Variants in KCNJ15 observed in about 807,000 individuals in gnomAD.
KCNJ15 encodes potassium inwardly rectifying channel subfamily J member 15.
A neutral mutation model predicts 23.0 loss-of-function variants in KCNJ15; 14 were observed. The observed-to-expected ratio is 0.61, with a 90% CI of 0.40 to 0.95. The LOEUF is 0.95. Ranked by LOEUF, KCNJ15 falls within the 40% of genes least tolerant of loss-of-function variation. The probability of loss-of-function intolerance (pLI) is 0.00; values close to 1 mark genes in which losing one functional copy is unlikely to be tolerated. For missense variants in KCNJ15, 388 were observed against 461.8 expected, an observed-to-expected ratio of 0.84 and a Z score of 1.46; for synonymous variants, 185 against 183.2, an observed-to-expected ratio of 1.01 and a Z score of -0.08.
At position 38,266,604 on chromosome 21, in the gene KCNJ15, G is replaced by A. The variant is rs1384999181; in HGVS notation, c.-117+9419G>A. Among the ~76,000 whole-genome samples the A allele has an allele frequency of 3.3e-5, 5 of 152,194 alleles. No homozygotes were observed. In the East Asian group the frequency reaches 7.7e-4, roughly 23 times the overall value. ...CCAAGTCGTTGCTATTGTGAACAGT[G>A]CTGCAATAAGCATATGTGTGCATGT... is the stretch of plus-strand genomic sequence containing the variant. On this transcript the variant is annotated intron_variant, in intron 1 of 2. Coordinates refer to ENST00000398938, the MANE Select transcript of KCNJ15 (RefSeq NM_170736.3).
At chr21:38,263,859 T>C (rs1009066481) in intron 1 of KCNJ15, among the ~76,000 whole-genome samples, 5 of 152,106 alleles carry the variant, frequency 3.3e-5, no homozygotes, top group Admixed American at 6.6e-5. Flanking sequence ...TTTCTTTATG[T>C]CCACCTTATT....
rs1985818853 is a variant in KCNJ15 at position 38,301,974 on chromosome 21, ACACACATG to A, written c.*1592_*1599del. ...CACACACAGTCACACACGCACACAC[ACACACATG>A]CACACACGCGCGTGCACACACGCAC... On this transcript the variant is annotated 3_prime_UTR_variant, in exon 3 of 3. Coordinates refer to ENST00000398938, the MANE Select transcript of KCNJ15 (RefSeq NM_170736.3). The A allele has an allele frequency of 6.5e-6, 1 of 154,718 alleles. No individual in the cohort carries two copies. The highest frequency in any genetic ancestry group is 2.5e-5 in the African/African-American group (1 of 40,410). The allele number at this position is 154,718 out of a possible 1,614,324, so 9.6% of individuals were successfully genotyped here. A position where few individuals can be genotyped will look rare whatever the true frequency, so the allele number is the denominator to read the frequency against.
At chr21:38,298,099 C>G (rs1275063108) in intron 2 of KCNJ15, 1 of 152,140 alleles carries the variant, frequency 6.6e-6, no homozygotes, top group Non-Finnish European at 1.5e-5. Context: ...AAACATGCCA[C>G]CCAGGTAAAG....
chr21:38,268,567 AAAAAAAAAAAG>A (rs1252982762), intron 1 of KCNJ15, among the ~76,000 whole-genome samples: 2 of 141,896 alleles, frequency 1.4e-5, no homozygotes, highest in Non-Finnish European at 3.0e-5. Flanking sequence ...AAAAAAAAAA[AAAAAAAAAAAG>A]AAAGTGGGAG....
At chr21:38,261,412 T>C (rs1376045684) in intron 1 of KCNJ15, among the ~76,000 whole-genome samples, 1 of 152,216 alleles carries the variant, frequency 6.6e-6, no homozygotes, top group East Asian at 1.9e-4. Flanking sequence ...GTGTCATACA[T>C]AGTAAAGCCC....
intron 1 of KCNJ15, among the ~76,000 whole-genome samples, chr21:38,257,834 C>T (rs1005781902): frequency 1.3e-5 from 2 of 152,194 alleles, no homozygotes; most frequent in African/African-American, 4.8e-5. Flanking sequence ...GGTGAAATTT[C>T]CACATTGCTC....
chr21:38,244,577 T>G (rs1351895410), intron 1 of KCNJ15, among the ~76,000 whole-genome samples: 2 of 152,172 alleles, frequency 1.3e-5, no homozygotes, highest in Non-Finnish European at 2.9e-5. Context: ...GGAGAGCTAT[T>G]GAAGTGCCTG....
At chr21:38,265,242 A>G (rs148932101) in intron 1 of KCNJ15, among the ~76,000 whole-genome samples, 3 of 152,354 alleles carry the variant, frequency 2.0e-5, no homozygotes, top group African/African-American at 4.8e-5. Context: ...ATGAAATATT[A>G]TAGGACTAAA....
In KCNJ15 at chr21:38,301,712, A is replaced by G. The variant is rs1190987254; in HGVS notation, c.*1323A>G. ...CTGTAAAGAATACCCCTGCTATTTA[A>G]ATAAAGCTCATACCAAGAGGTAACA... On this transcript the variant is annotated 3_prime_UTR_variant, in exon 3 of 3. Coordinates refer to ENST00000398938, the MANE Select transcript of KCNJ15 (RefSeq NM_170736.3). 1 of 167,090 alleles carries G rather than the reference A, an allele frequency of 6.0e-6. No individual in the cohort carries two copies. The allele number at this position is 167,090 out of a possible 1,614,324, so 10.4% of individuals were successfully genotyped here.
At chr21:38,275,181 A>G (rs1260546109) in intron 1 of KCNJ15, among the ~76,000 whole-genome samples, 2 of 152,114 alleles carry the variant, frequency 1.3e-5, no homozygotes, top group East Asian at 3.8e-4. Flanking sequence ...TCTTGAATTC[A>G]TGTATTACTT....
At chr21:38,234,056 T>C (rs1313604711) in intron 1 of KCNJ15, among the ~76,000 whole-genome samples, 1 of 152,212 alleles carries the variant, frequency 6.6e-6, no homozygotes, top group Non-Finnish European at 1.5e-5. Context: ...AGTTGTCAGC[T>C]TCCTCCAACA....
intron 1 of KCNJ15, among the ~76,000 whole-genome samples, chr21:38,288,588 TAA>T (rs146306727): frequency 0.016 from 2,503 of 152,298 alleles, 82 homozygotes; most frequent in African/African-American, 0.058. Context: ...CCCATATTTA[TAA>T]AACATACTTT....
chr21:38,281,503 A>G (rs901821072), intron 1 of KCNJ15, among the ~76,000 whole-genome samples: 1 of 152,192 alleles, frequency 6.6e-6, no homozygotes, highest in Non-Finnish European at 1.5e-5. Context: ...TCCTTCTATT[A>G]TAAGTGAGAA....
intron 1 of KCNJ15, among the ~76,000 whole-genome samples, chr21:38,230,148 C>T (rs1033127123): frequency 5.7e-4 from 87 of 151,892 alleles, no homozygotes; most frequent in Non-Finnish European, 8.5e-4. Flanking sequence ...CCACCCATAA[C>T]GTTTGAACAT....
chr21:38,278,380 TTTAAC>T (rs956868514), intron 1 of KCNJ15, among the ~76,000 whole-genome samples: 12 of 152,204 alleles, frequency 7.9e-5, no homozygotes, highest in African/African-American at 2.9e-4. Flanking sequence ...AGGCAAATGC[TTTAAC>T]TTATCTAGCC....
At chr21:38,251,988 G>A (rs1180593634), upstream of KCNJ15, among the ~76,000 whole-genome samples, 2 of 152,148 alleles carry the variant, frequency 1.3e-5, no homozygotes, top group African/African-American at 4.8e-5. Context: ...GGGAAGATGG[G>A]GAAGCCTCCA....
intron 1 of KCNJ15, among the ~76,000 whole-genome samples, chr21:38,289,665 A>G (rs9980379): frequency 0.68 from 102,988 of 152,034 alleles, 35,345 homozygotes; most frequent in South Asian, 0.75. Flanking sequence ...TCTGGGAGGC[A>G]GGGGTTGCAG....
At chr21:38,286,717 G>A (rs1970109418) in intron 1 of KCNJ15, among the ~76,000 whole-genome samples, 1 of 152,188 alleles carries the variant, frequency 6.6e-6, no homozygotes, top group African/African-American at 2.4e-5. Flanking sequence ...TTCATCCACA[G>A]TCAGATTTAA....
Position 38,299,657 on chromosome 21 carries a change from C to G in KCNJ15, c.396C>G (p.Val132=), listed in dbSNP as rs1407027154. 1.9e-6 allele frequency: 3 copies of G among 1,614,062 alleles called. No homozygotes were observed. Among genetic ancestry groups the G allele is most frequent in the African/African-American group, 2.7e-5 (2 of 74,918 alleles). ...CCCAGACAACCATTGGCTATGGAGT[C>G]CGTTCCATCACAGAGGAATGTCCTC... ...LESQTTIGYG[V]RSITEECPHA... Residue 132 remains valine (V), a synonymous_variant, in exon 3 of 3, where the codon GTC becomes GTG. Transcript: ENST00000398938. The surrounding 1 kb of genome is among the most constrained non-coding windows in gnomAD (Gnocchi z 4.5).
Sources: allele counts gnomAD v4.1 joint callset (sites outside exome capture counted in the v4.1 genomes callset), GRCh38; gene constraint gnomAD v4.1.1; non-coding constraint Gnocchi (gnomAD v3.1); transcripts MANE v1.5; gene names NCBI Gene and HGNC (gene_info 2026-07-23, HGNC 2026-07-21).